KRT222: variants seen among roughly 807,000 people sequenced by gnomAD.
KRT222 encodes keratin-like protein KRT222.
Under a neutral mutation model 35.0 loss-of-function variants are expected in KRT222, and 23 were observed. That is an observed-to-expected ratio of 0.66 (90% CI 0.47 to 0.93). KRT222 has a LOEUF of 0.93. KRT222 is among the 40% of genes least tolerant of loss of function. The pLI, the probability that KRT222 is intolerant of heterozygous loss-of-function variation, is 0.00. For missense variants in KRT222, 339 were observed against 346.3 expected (o/e 0.98, Z 0.17); for synonymous variants, 108 against 118.8 (o/e 0.91, Z 0.59).
At chr17:40,662,325 C>T (rs770774636) in intron 1 of KRT222, among the ~76,000 whole-genome samples, 2 of 152,132 alleles carry the variant, frequency 1.3e-5, no homozygotes, top group Non-Finnish European at 2.9e-5. Context: ...TGAATGAAAA[C>T]AGTTTGCAGG....
At chr17:40,661,055 G>T (rs899514363) in intron 2 of KRT222, among the ~76,000 whole-genome samples, 2 of 151,498 alleles carry the variant, frequency 1.3e-5, no homozygotes, top group Non-Finnish European at 2.9e-5. Flanking sequence ...AGTGATTCTC[G>T]TGCCTCAGCC....
chr17:40,663,532 G>C (rs1183016717), intron 1 of KRT222, among the ~76,000 whole-genome samples: 1 of 152,202 alleles, frequency 6.6e-6, no homozygotes, highest in Non-Finnish European at 1.5e-5. Flanking sequence ...CCAGCCTTTC[G>C]GCAATGCCCT....
rs1186891871 is a variant in KRT222, at chr17:40,661,933, C to T, written c.208G>A (p.Glu70Lys). 6.2e-7 allele frequency: 1 copy of T among 1,614,188 alleles called. No homozygotes were observed. The highest frequency in any genetic ancestry group is 8.5e-7 in the Non-Finnish European group (1 of 1,180,028). ...ATTCTCACCACAGCATGGAGAGATTCAATTTCCACTTGCAGGTGGTGCCAC... is the reference window on the plus strand; with the variant it reads ...ATTCTCACCACAGCATGGAGAGATTTAATTTCCACTTGCAGGTGGTGCCAC... ...RQWHHLQVEI[E>K]SLHAVERGLE... The change falls in exon 2 of 6, where the codon GAA (glutamate) becomes AAA (lysine). Residue 70 changes from glutamate to lysine, a missense_variant. By Grantham distance (56) the Glu-to-Lys change is moderately conservative (BLOSUM62 1). Coordinates refer to ENST00000394052, the MANE Select transcript of KRT222 (RefSeq NM_152349.3).
chr17:40,664,600 TCTTA>T (rs2037408644), intron 1 of KRT222, among the ~76,000 whole-genome samples: 1 of 152,210 alleles, frequency 6.6e-6, no homozygotes, highest in Non-Finnish European at 1.5e-5. Context: ...TGCTAATAAA[TCTTA>T]CTTAAAGATT....
intron 5 of KRT222, 102 bp from the exon 6 acceptor site, chr17:40,656,732 A>G: frequency 1.6e-6 from 1 of 627,846 alleles, no homozygotes; most frequent in Admixed American, 3.0e-5. Flanking sequence ...AAATTTGTAT[A>G]ATTTATAGTG....
At position 40,654,793 on chromosome 17, in the gene KRT222, A is replaced by AT. The variant is rs2037333468; in HGVS notation, c.*1608dup. 1 of 151,908 alleles carries AT rather than the reference A, an allele frequency of 6.6e-6. No homozygotes were observed. The highest frequency in any genetic ancestry group is 1.5e-5 in the Non-Finnish European group (1 of 67,928). 9.4% of individuals were successfully genotyped at this position (151,908 alleles called of 1,614,324 possible). A position where few individuals can be genotyped will look rare whatever the true frequency, so the allele number is the denominator to read the frequency against. On this transcript the variant is annotated 3_prime_UTR_variant, in exon 6 of 6. Coordinates refer to ENST00000394052, the MANE Select transcript of KRT222 (RefSeq NM_152349.3). ...AGCATTTAGCAATATCAAATGAAACATTTTTTATGTATAGGATGTATTTTA... is the reference window on the plus strand; with the variant it reads ...AGCATTTAGCAATATCAAATGAAACATTTTTTTATGTATAGGATGTATTTTA...
In KRT222 at chr17:40,662,223, G is replaced by T. The variant is rs1411106419; in HGVS notation, c.97-179C>A. On this transcript the variant is annotated intron_variant, in intron 1 of 5. Transcript: ENST00000394052. ...AACTAATTAAATATGTAAGTCCATT[G>T]CGTTCTTAGCCCGTTTTCTCCTATG... 4 of 607,618 alleles carry T rather than the reference G, an allele frequency of 6.6e-6. No homozygotes were observed. In the Admixed American group the frequency reaches 1.1e-4, roughly 16 times the overall value. 37.6% of individuals were successfully genotyped at this position (607,618 alleles called of 1,614,324 possible). A position where few individuals can be genotyped will look rare whatever the true frequency, so the allele number is the denominator to read the frequency against.
At chr17:40,661,580 C>T (rs569167435) in intron 2 of KRT222, among the ~76,000 whole-genome samples, 63 of 152,214 alleles carry the variant, frequency 4.1e-4, no homozygotes, top group African/African-American at 1.0e-3. Flanking sequence ...ATTTTTTATT[C>T]GACGTCTCAA....
Position 40,656,963 on chromosome 17 carries a change from A to C in KRT222, c.660-333T>G, listed in dbSNP as rs202223716. On this transcript the variant is annotated intron_variant, in intron 5 of 5. Coordinates refer to ENST00000394052, the MANE Select transcript of KRT222 (RefSeq NM_152349.3). Reference sequence around the variant, plus strand: ...GTGGCTCATGCCTGTAATCCCAGCAATTTGGGAGGCTGAGGTGGGCAGATC... The same window carrying C: ...GTGGCTCATGCCTGTAATCCCAGCACTTTGGGAGGCTGAGGTGGGCAGATC... 2.0e-5 allele frequency among the ~76,000 whole-genome samples: 3 copies of C among 152,020 alleles called. No homozygotes were observed. The East Asian group carries it at 5.8e-4, about 29-fold the overall frequency.
At position 40,657,737 on chromosome 17, in the gene KRT222, T is replaced by C; in HGVS notation, c.460A>G (p.Ile154Val). ...TTTTTGTCTTTTTTCCCACCTTGGA[T>C]ACAACCATAATATCTGAAATCAGAA... Reference protein sequence around the residue: ...EKEEIRYYGCIQGGKKDKKPT... With the variant: ...EKEEIRYYGCVQGGKKDKKPT... The change falls in exon 4 of 6, where the codon ATC becomes GTC. Residue 154 changes from isoleucine (I) to valine (V), a missense_variant. By Grantham distance (29) the Ile-to-Val change is conservative (BLOSUM62 3). Transcript: ENST00000394052. 1 of 1,611,474 alleles carries C rather than the reference T, an allele frequency of 6.2e-7. No homozygotes were observed. Among genetic ancestry groups the C allele is most frequent in the South Asian group, 1.1e-5 (1 of 90,878 alleles).
chr17:40,659,966 T>C, intron 3 of KRT222, 21 bp downstream of exon 3: 10 of 1,603,756 alleles, frequency 6.2e-6, no homozygotes, highest in Non-Finnish European at 8.5e-6. Flanking sequence ...CCCTTGTCAT[T>C]AACTAAATGG....
In KRT222 at chr17:40,656,907, A is replaced by G. The variant is rs541113572; in HGVS notation, c.660-277T>C. On this transcript the variant is annotated intron_variant, in intron 5 of 5. Coordinates refer to ENST00000394052, the MANE Select transcript of KRT222 (RefSeq NM_152349.3). ...CCATGAGTTTTTATGTATATATGTC[A>G]GATTAAAAATCACAGTATAGGCTGG... 3.3e-5 allele frequency among the ~76,000 whole-genome samples: 5 copies of G among 152,268 alleles called. No individual in the cohort carries two copies. The South Asian group carries it at 8.3e-4, about 25-fold the overall frequency.
At chr17:40,663,459 A>G (rs1030946034) in intron 1 of KRT222, among the ~76,000 whole-genome samples, 7 of 152,218 alleles carry the variant, frequency 4.6e-5, no homozygotes, top group Admixed American at 1.3e-4. Context: ...GAGATCCTGT[A>G]GAAAGGCCAG....
intron 3 of KRT222, among the ~76,000 whole-genome samples, chr17:40,658,494 T>C (rs2037360051): frequency 6.6e-6 from 1 of 152,130 alleles, no homozygotes; most frequent in Non-Finnish European, 1.5e-5. Flanking sequence ...ATGTGCCAGG[T>C]ATTGTTTTAA....
chr17:40,664,259 C>T (rs184928155), intron 1 of KRT222, among the ~76,000 whole-genome samples: 29 of 152,270 alleles, frequency 1.9e-4, no homozygotes, highest in African/African-American at 6.5e-4. Context: ...ACCTTAATTA[C>T]TTGCTGAAGG....
At chr17:40,664,917 T>A in intron 1 of KRT222, 87 bp downstream of exon 1, 1 of 1,597,258 alleles carries the variant, frequency 6.3e-7, no homozygotes, top group Non-Finnish European at 8.5e-7. Flanking sequence ...AAGGAAATAC[T>A]GTACCTCAGA....
Position 40,665,114 on chromosome 17 carries a change from C to G in KRT222, c.-15G>C. On this transcript the variant is annotated 5_prime_UTR_variant, in exon 1 of 6. Transcript: ENST00000394052. ...GACAGTTCCATTCTTTTCCCATCCT[C>G]CACCTTGGCTAACTGAACCTTATCG... 2 of 1,613,272 alleles carry G rather than the reference C, an allele frequency of 1.2e-6. No individual in the cohort carries two copies. The highest frequency in any genetic ancestry group is 1.7e-6 in the Non-Finnish European group (2 of 1,179,636).
At chr17:40,663,163 T>G (rs1292153489) in intron 1 of KRT222, among the ~76,000 whole-genome samples, 2 of 152,172 alleles carry the variant, frequency 1.3e-5, no homozygotes, top group Non-Finnish European at 2.9e-5. Context: ...AATGCTGGTA[T>G]CTGCTGGTCT....
In KRT222 at chr17:40,661,934, A is replaced by G. The variant is rs770970412; in HGVS notation, c.207T>C (p.Ile69=). Reference sequence around the variant, plus strand: ...TTCTCACCACAGCATGGAGAGATTCAATTTCCACTTGCAGGTGGTGCCACT... The same window carrying G: ...TTCTCACCACAGCATGGAGAGATTCGATTTCCACTTGCAGGTGGTGCCACT... The part of the protein sequence containing the change: ...RRQWHHLQVE[I]ESLHAVERGL... The change falls in exon 2 of 6, where the codon ATT becomes ATC. Residue 69 remains isoleucine, a synonymous_variant. Transcript: ENST00000394052. 3.1e-6 allele frequency: 5 copies of G among 1,614,152 alleles called. No homozygotes were observed. In the South Asian group the frequency reaches 5.5e-5, roughly 18 times the overall value.
Sources: allele counts gnomAD v4.1 joint callset (sites outside exome capture counted in the v4.1 genomes callset), GRCh38; gene constraint gnomAD v4.1.1; transcripts MANE v1.5; gene names NCBI Gene and HGNC (gene_info 2026-07-23, HGNC 2026-07-21).